Variants in NTAQ1 observed in about 807,000 individuals in gnomAD.
The protein encoded by NTAQ1 is N-terminal glutamine amidase 1.
In NTAQ1, 21 loss-of-function variants were observed where a neutral mutation model predicts 28.2. The observed-to-expected ratio is 0.74, with a 90% CI of 0.53 to 1.07. NTAQ1 has a LOEUF of 1.07. NTAQ1 is among the 50% of genes least tolerant of loss of function. The pLI, the probability that NTAQ1 is intolerant of heterozygous loss-of-function variation, is 0.00. For missense variants in NTAQ1, 264 were observed against 256.6 expected (o/e 1.03, Z -0.20); for synonymous variants, 105 against 90.0 (o/e 1.17, Z -0.94).
downstream of NTAQ1, among the ~76,000 whole-genome samples, chr8:123,474,809 C>G (rs1816074322): frequency 2.0e-5 from 3 of 152,252 alleles, no homozygotes; most frequent in South Asian, 6.2e-4. Context: ...ATAGCTTGAA[C>G]CCAGGAGGAG....
At chr8:123,439,072 G>T (rs1486787686) in intron 5 of NTAQ1, among the ~76,000 whole-genome samples, 2 of 152,200 alleles carry the variant, frequency 1.3e-5, no homozygotes, top group Non-Finnish European at 1.5e-5. Flanking sequence ...TCCAACTGGG[G>T]CAATTCCTTT....
chr8:123,444,965 T>G (rs912064663), downstream of NTAQ1, among the ~76,000 whole-genome samples: 11 of 152,330 alleles, frequency 7.2e-5, no homozygotes, highest in South Asian at 2.3e-3. Flanking sequence ...ATTGGAGCTT[T>G]TAAGGAAATT....
chr8:123,475,562 CTA>C, the NTAQ1 span, among the ~76,000 whole-genome samples: 3 of 152,074 alleles, frequency 2.0e-5, no homozygotes, highest in Admixed American at 2.0e-4. Context: ...TGTTATAAAT[CTA>C]TGTTTATTTC....
intron 5 of NTAQ1, among the ~76,000 whole-genome samples, chr8:123,439,439 T>C (rs1814915859): frequency 6.6e-6 from 1 of 150,888 alleles, no homozygotes; most frequent in Non-Finnish European, 1.5e-5. Context: ...GCCTCCCGGG[T>C]TCATGCCATT....
chr8:123,436,363 T>C, intron 3 of NTAQ1, 90 bp from the exon 4 acceptor site: 1 of 1,315,968 alleles, frequency 7.6e-7, no homozygotes, highest in Non-Finnish European at 1.1e-6. Context: ...AGCAGTCCTA[T>C]ATCCTTTTTA....
In NTAQ1 at chr8:123,438,500, A is replaced by G. The variant is rs545761243; in HGVS notation, c.508+1166A>G. Among the ~76,000 whole-genome samples, 3 of 152,208 alleles carry G rather than the reference A, an allele frequency of 2.0e-5. No homozygotes were observed. In the South Asian group the frequency reaches 6.2e-4, roughly 32 times the overall value. Reference sequence around the variant, plus strand: ...GTGAAACTCCGTCTCTACTAAAAATACAAAAATTAGCCGGGTGTGGTGGTG... The same window carrying G: ...GTGAAACTCCGTCTCTACTAAAAATGCAAAAATTAGCCGGGTGTGGTGGTG... On this transcript the variant is annotated intron_variant, in intron 5 of 5. Coordinates refer to ENST00000287387, the MANE Select transcript of NTAQ1 (RefSeq NM_018024.3).
chr8:123,437,581 T>A (rs943595951), intron 5 of NTAQ1, among the ~76,000 whole-genome samples: 1 of 151,854 alleles, frequency 6.6e-6, no homozygotes, highest in African/African-American at 2.4e-5. Context: ...CAGGCACCTG[T>A]AGTCCCAGCT....
chr8:123,428,230 C>A (rs1303862880), intron 2 of NTAQ1, among the ~76,000 whole-genome samples: 1 of 152,132 alleles, frequency 6.6e-6, no homozygotes, highest in Non-Finnish European at 1.5e-5. Flanking sequence ...TGAGTCCCTT[C>A]TGTCGCCCAG....
intron 5 of NTAQ1, among the ~76,000 whole-genome samples, chr8:123,439,196 T>C (rs1299402942): frequency 2.0e-5 from 3 of 152,140 alleles, no homozygotes; most frequent in African/African-American, 7.2e-5. Context: ...TTCTTTCTTT[T>C]TTTTTTGTTG....
chr8:123,429,382 A>G (rs1814258627), intron 2 of NTAQ1, among the ~76,000 whole-genome samples: 1 of 152,192 alleles, frequency 6.6e-6, no homozygotes, highest in Non-Finnish European at 1.5e-5. Context: ...ATGCTTAAAA[A>G]TATTTTATTT....
intron 1 of NTAQ1, among the ~76,000 whole-genome samples, chr8:123,419,706 C>T (rs543903334): frequency 6.8e-6 from 1 of 147,956 alleles, no homozygotes; most frequent in Non-Finnish European, 1.5e-5. Context: ...CCAAGATGAT[C>T]AGCTGACAGC....
intron 1 of NTAQ1, among the ~76,000 whole-genome samples, chr8:123,424,746 CAAAGAG>C (rs757757511): frequency 3.9e-4 from 59 of 152,262 alleles, no homozygotes; most frequent in Admixed American, 2.4e-3. Context: ...GGGGAATGAA[CAAAGAG>C]AAACTACAAC....
chr8:123,441,538 AT>A lies in NTAQ1; in HGVS notation c.*125del. On this transcript the variant is annotated 3_prime_UTR_variant, in exon 6 of 6. Coordinates refer to ENST00000287387, the MANE Select transcript of NTAQ1 (RefSeq NM_018024.3). ...AATTATGTCTTTCTCTTTTAATTTG[AT>A]TGAGTGGAAATCTGAGTGAATACAA... 1 of 783,282 alleles carries A rather than the reference AT, an allele frequency of 1.3e-6. No individual in the cohort carries two copies. The highest frequency in any genetic ancestry group is 2.1e-6 in the Non-Finnish European group (1 of 479,060). The allele number at this position is 783,282 out of a possible 1,614,324, so 48.5% of individuals were successfully genotyped here.
chr8:123,460,071 A>G (rs1815775691), intron 6 of NTAQ1, among the ~76,000 whole-genome samples: 2 of 152,110 alleles, frequency 1.3e-5, no homozygotes, highest in African/African-American at 4.8e-5. Context: ...AAGGGCTGGG[A>G]TTACAGGCAT....
At chr8:123,436,123 C>T (rs868063602) in intron 3 of NTAQ1, among the ~76,000 whole-genome samples, 15 of 133,400 alleles carry the variant, frequency 1.1e-4, no homozygotes, top group African/African-American at 4.0e-4. Flanking sequence ...GAGCTGAGAT[C>T]ATGCCACTGC....
chr8:123,457,927 G>A (rs953625599), intron 6 of NTAQ1, among the ~76,000 whole-genome samples: 1 of 151,634 alleles, frequency 6.6e-6, no homozygotes, highest in Non-Finnish European at 1.5e-5. Context: ...ACAGCTACTC[G>A]GGAGGCTGAG....
At chr8:123,451,339 T>C (rs1461266534), downstream of NTAQ1, among the ~76,000 whole-genome samples, 3 of 152,094 alleles carry the variant, frequency 2.0e-5, no homozygotes, top group Non-Finnish European at 2.9e-5. Context: ...AAAAGTCTGT[T>C]TTCCTTTTTT....
At chr8:123,463,729 AGAAAG>A (rs1815894073) in intron 6 of NTAQ1, among the ~76,000 whole-genome samples, 1 of 152,128 alleles carries the variant, frequency 6.6e-6, no homozygotes, top group African/African-American at 2.4e-5. Flanking sequence ...CTAAGGGGGA[AGAAAG>A]GAAGCAGGAT....
At chr8:123,475,683 G>A in the NTAQ1 span, among the ~76,000 whole-genome samples, 1 of 152,086 alleles carries the variant, frequency 6.6e-6, no homozygotes. Flanking sequence ...AAAGAGAGTA[G>A]GTCCATTACA....
Sources: gnomAD v4.1 joint callset for allele counts (sites outside exome capture counted in the v4.1 genomes callset) on GRCh38, gnomAD v4.1.1 for gene constraint, MANE v1.5 for transcripts, NCBI Gene and HGNC (gene_info 2026-07-23, HGNC 2026-07-21) for gene names.